GDF9: variants seen among roughly 807,000 people sequenced by gnomAD.
The protein encoded by GDF9 is growth/differentiation factor 9.
In GDF9, 30 loss-of-function variants were observed where a neutral mutation model predicts 33.8. The ratio of observed to expected loss-of-function variants is 0.89; its 90% CI spans 0.66 to 1.20. GDF9 has a LOEUF of 1.20. GDF9 is among the 50% of genes most tolerant of loss of function. The probability of loss-of-function intolerance (pLI) is 0.00; values close to 1 mark genes in which losing one functional copy is unlikely to be tolerated. For synonymous variants in GDF9, 205 were observed against 200.7 expected (o/e 1.02, Z -0.18); for missense variants, 556 against 543.7 (o/e 1.02, Z -0.22).
In GDF9 at chr5:132,864,276, C is replaced by T. The variant is rs779177466; in HGVS notation, c.258G>A (p.Leu86=). 8.1e-6 allele frequency: 13 copies of T among 1,614,232 alleles called. No homozygotes were observed. Among genetic ancestry groups the T allele is most frequent in the Non-Finnish European group, 1.1e-5 (13 of 1,180,042 alleles). The change falls in exon 1 of 2, where the codon TTG becomes TTA. Residue 86 remains leucine, a synonymous_variant. Coordinates refer to ENST00000687138, the MANE Select transcript of GDF9 (RefSeq NM_005260.7). ...SPRLQPDSRA[L]HYMKKLYKTY... Reference sequence around the variant, plus strand: ...TCTTATAGAGCTTCTTCATGTAGTGCAAAGCTCTGGAGTCTGGCTGCAGCC... The same window carrying T: ...TCTTATAGAGCTTCTTCATGTAGTGTAAAGCTCTGGAGTCTGGCTGCAGCC...
In GDF9 at chr5:132,864,261, C is replaced by A; in HGVS notation, c.273G>T (p.Lys91Asn). 6.2e-7 allele frequency: 1 copy of A among 1,614,196 alleles called. No individual in the cohort carries two copies. Among genetic ancestry groups the A allele is most frequent in the Non-Finnish European group, 8.5e-7 (1 of 1,180,036 alleles). Reference sequence around the variant, plus strand: ...CCTTGGTAGCATATGTCTTATAGAGCTTCTTCATGTAGTGCAAAGCTCTGG... The same window carrying A: ...CCTTGGTAGCATATGTCTTATAGAGATTCTTCATGTAGTGCAAAGCTCTGG... Reference protein sequence around the residue: ...PDSRALHYMKKLYKTYATKEG... With the variant: ...PDSRALHYMKNLYKTYATKEG... The change falls in exon 1 of 2, where the codon AAG becomes AAT. Residue 91 changes from lysine (K) to asparagine (N), a missense_variant. Physicochemically the swap from Lys to Asn is moderately conservative, Grantham distance 94 (BLOSUM62 0). Coordinates refer to ENST00000687138, the MANE Select transcript of GDF9 (RefSeq NM_005260.7).
chr5:132,861,378 T>C lies in GDF9; in HGVS notation c.*211A>G. ...CCACAATAATTATATTTCATTTAAA[T>C]TTGGAAATAAAAAAAGGCTCTGTAG... On this transcript the variant is annotated 3_prime_UTR_variant, in exon 2 of 2. Transcript: ENST00000687138. The C allele has an allele frequency of 1.8e-6, 1 of 546,410 alleles. No homozygotes were observed. The highest frequency in any genetic ancestry group is 2.4e-5 in the South Asian group (1 of 42,040). The allele number at this position is 546,410 out of a possible 1,614,324, so 33.8% of individuals were successfully genotyped here.
Position 132,864,693 on chromosome 5 carries a change from T to C in GDF9, c.-160A>G. 1.5e-6 allele frequency: 1 copy of C among 669,596 alleles called. No individual in the cohort carries two copies. The highest frequency in any genetic ancestry group is 2.6e-6 in the Non-Finnish European group (1 of 386,516). The allele number at this position is 669,596 out of a possible 1,614,324, so 41.5% of individuals were successfully genotyped here. On this transcript the variant is annotated 5_prime_UTR_variant, in exon 1 of 2. Transcript: ENST00000687138. ...CAAGTATGCCTAGCTGAAGATTTTA[T>C]CAGCTCTATATCAAGCAGCTGATAA...
At position 132,865,508 on chromosome 5, in the gene GDF9, G is replaced by A. The variant is rs1432825237; in HGVS notation, c.-975C>T. ...TGGTTTAAAAAAATGAGGCAAAGGAGCACCATGAAAAGCTGAAATGAGGGG... is the reference window on the plus strand; with the variant it reads ...TGGTTTAAAAAAATGAGGCAAAGGAACACCATGAAAAGCTGAAATGAGGGG... On this transcript the variant is annotated 5_prime_UTR_variant, in exon 1 of 2. Transcript: ENST00000687138. 1 of 152,214 alleles carries A rather than the reference G, an allele frequency of 6.6e-6. No individual in the cohort carries two copies. Among genetic ancestry groups the A allele is most frequent in the African/African-American group, 2.4e-5 (1 of 41,432 alleles). 9.4% of individuals were successfully genotyped at this position (152,214 alleles called of 1,614,324 possible). A position where few individuals can be genotyped will look rare whatever the true frequency, so the allele number is the denominator to read the frequency against.
In GDF9 at chr5:132,861,696, C is replaced by T. The variant is rs756490110; in HGVS notation, c.1258G>A (p.Val420Ile). The T allele has an allele frequency of 1.9e-6, 3 of 1,612,326 alleles. No individual in the cohort carries two copies. Among genetic ancestry groups the T allele is most frequent in the Admixed American group, 1.7e-5 (1 of 60,008 alleles). ...CTCAAGGGGCTGTATTTGGCAGGTA[C>T]ACATGACGGTCTTGGCACTGAGGAG... is the stretch of plus-strand genomic sequence containing the variant. ...LDSSVPRPSC[V>I]PAKYSPLSVL... Residue 420 changes from valine to isoleucine, a missense_variant, in exon 2 of 2, where the codon GTA (valine) becomes ATA (isoleucine). Transcript: ENST00000687138.
rs1013766098 is a variant in GDF9, at chr5:132,866,276, T to G, written c.-1743A>C. The G allele has an allele frequency of 6.4e-6, 1 of 157,468 alleles. No individual in the cohort carries two copies. The highest frequency in any genetic ancestry group is 1.4e-5 in the Non-Finnish European group (1 of 71,150). The allele number at this position is 157,468 out of a possible 1,614,324, so 9.8% of individuals were successfully genotyped here. On this transcript the variant is annotated 5_prime_UTR_variant, in exon 1 of 2. Coordinates refer to ENST00000687138, the MANE Select transcript of GDF9 (RefSeq NM_005260.7). The stretch of plus-strand genomic sequence containing the variant: ...GGAAGACTCGCAGGCCCCAAGCTCC[T>G]GGCCAGCGCTGCCCCGGAGGTCGGC...
Position 132,864,814 on chromosome 5 carries a change from G to C in GDF9, c.-281C>G. The C allele has an allele frequency of 6.5e-6, 3 of 461,062 alleles. No homozygotes were observed. Among genetic ancestry groups the C allele is most frequent in the Non-Finnish European group, 1.2e-5 (3 of 257,836 alleles). The allele number at this position is 461,062 out of a possible 1,614,324, so 28.6% of individuals were successfully genotyped here. A position where few individuals can be genotyped will look rare whatever the true frequency, so the allele number is the denominator to read the frequency against. ...TGGCATTTACGTAAAACCCGTTACT[G>C]TTACACTACCGGACTAACTATGTAG... On this transcript the variant is annotated 5_prime_UTR_variant, in exon 1 of 2. Coordinates refer to ENST00000687138, the MANE Select transcript of GDF9 (RefSeq NM_005260.7).
chr5:132,862,188 T>C lies in GDF9; in HGVS notation c.766A>G (p.Met256Val), dbSNP rs369615724. 34 of 1,613,892 alleles carry C rather than the reference T, an allele frequency of 2.1e-5. No individual in the cohort carries two copies. Among genetic ancestry groups the C allele is most frequent in the African/African-American group, 4.0e-5 (3 of 74,928 alleles). ...ATCAGTGAGGGGGACACCAGAGTCA[T>C]GTTAAACAAACCATTCTGTGCTGAA... ...HPSAQNGLFN[M>V]TLVSPSLILY... is the part of the protein sequence containing the mutation. Residue 256 changes from methionine to valine, a missense_variant, in exon 2 of 2, where the codon ATG becomes GTG. Physicochemically the swap from Met to Val is conservative, Grantham distance 21. Coordinates refer to ENST00000687138, the MANE Select transcript of GDF9 (RefSeq NM_005260.7).
chr5:132,865,877 C>T lies in GDF9; in HGVS notation c.-1344G>A, dbSNP rs1053160825. ...GCCTCTCACCCGACTTTCCTTGCTT[C>T]TCACGTGGGGAGAAGAAAGAACTGG... is the stretch of plus-strand genomic sequence containing the variant. On this transcript the variant is annotated 5_prime_UTR_variant, in exon 1 of 2. Transcript: ENST00000687138. 6.6e-5 allele frequency among the ~76,000 whole-genome samples: 10 copies of T among 152,216 alleles called. No individual in the cohort carries two copies. The highest frequency in any genetic ancestry group is 1.9e-4 in the African/African-American group (8 of 41,454).
rs540817200 is a variant in GDF9 at position 132,865,909 on chromosome 5, G to A, written c.-1376C>T. On this transcript the variant is annotated 5_prime_UTR_variant, in exon 1 of 2. In the 5' UTR this introduces an upstream ATG that the reference lacks. Transcript: ENST00000687138. ...GGGGAGAAGAAAGAACTGGGGCATC[G>A]TGATTCCCCCCACCCCACGCAAACC... 6.6e-6 allele frequency among the ~76,000 whole-genome samples: 1 copy of A among 152,166 alleles called. No individual in the cohort carries two copies. The highest frequency in any genetic ancestry group is 1.5e-5 in the Non-Finnish European group (1 of 68,036).
At chr5:132,863,803 A>G (rs1326427168) in intron 1 of GDF9, among the ~76,000 whole-genome samples, 3 of 152,326 alleles carry the variant, frequency 2.0e-5, no homozygotes, top group Non-Finnish European at 2.9e-5. Flanking sequence ...TCACACCAAT[A>G]GCTGTAAGAG....
chr5:132,861,190 T>C lies in GDF9; in HGVS notation c.*399A>G, dbSNP rs1759199857. The C allele has an allele frequency of 5.5e-6, 1 of 180,268 alleles. No individual in the cohort carries two copies. Among genetic ancestry groups the C allele is most frequent in the Non-Finnish European group, 1.2e-5 (1 of 85,198 alleles). The allele number at this position is 180,268 out of a possible 1,614,324, so 11.2% of individuals were successfully genotyped here. A position where few individuals can be genotyped will look rare whatever the true frequency, so the allele number is the denominator to read the frequency against. On this transcript the variant is annotated 3_prime_UTR_variant, in exon 2 of 2. Transcript: ENST00000687138. Reference sequence around the variant, plus strand: ...TAAAACACACACAAAATTTATGCCATTGACAGAAATTTATTCTTCTATTAA... The same window carrying C: ...TAAAACACACACAAAATTTATGCCACTGACAGAAATTTATTCTTCTATTAA...
chr5:132,865,794 G>A lies in GDF9; in HGVS notation c.-1261C>T, dbSNP rs1759565330. Among the ~76,000 whole-genome samples the A allele has an allele frequency of 6.6e-6, 1 of 152,108 alleles. No homozygotes were observed. Among genetic ancestry groups the A allele is most frequent in the African/African-American group, 2.4e-5 (1 of 41,392 alleles). ...ACACTGACAAGACACCTCAGGGCGA[G>A]CTGTACATTGACAACAGCATCGTCA... On this transcript the variant is annotated 5_prime_UTR_variant, in exon 1 of 2. Coordinates refer to ENST00000687138, the MANE Select transcript of GDF9 (RefSeq NM_005260.7).
chr5:132,863,169 C>T (rs1759380172), intron 1 of GDF9, among the ~76,000 whole-genome samples: 1 of 152,166 alleles, frequency 6.6e-6, no homozygotes, highest in Non-Finnish European at 1.5e-5. Context: ...ACAGAAGCAG[C>T]TGAGCTGATA....
At position 132,864,950 on chromosome 5, in the gene GDF9, G is replaced by A. The variant is rs1484153791; in HGVS notation, c.-417C>T. ...CTTGCTGAAACTTCTAAGGCATGTG[G>A]AAAAGCTAACCAATTATTCATGACG... is the stretch of plus-strand genomic sequence containing the variant. On this transcript the variant is annotated 5_prime_UTR_variant, in exon 1 of 2. Coordinates refer to ENST00000687138, the MANE Select transcript of GDF9 (RefSeq NM_005260.7). 2 of 196,092 alleles carry A rather than the reference G, an allele frequency of 1.0e-5. No homozygotes were observed. Among genetic ancestry groups the A allele is most frequent in the East Asian group, 1.3e-4 (1 of 7,722 alleles). The allele number at this position is 196,092 out of a possible 1,614,324, so 12.1% of individuals were successfully genotyped here.
upstream of GDF9, chr5:132,866,583 A>G (rs1759620971): frequency 2.1e-6 from 1 of 486,274 alleles, no homozygotes; most frequent in Admixed American, 3.4e-5. Context: ...GGAAAATGGT[A>G]TCTCCCGGAA....
At position 132,861,583 on chromosome 5, in the gene GDF9, C is replaced by A. The variant is rs1475592077; in HGVS notation, c.*6G>T. 4 of 1,613,164 alleles carry A rather than the reference C, an allele frequency of 2.5e-6. No homozygotes were observed. Among genetic ancestry groups the A allele is most frequent in the South Asian group, 2.2e-5 (2 of 90,990 alleles). On this transcript the variant is annotated 3_prime_UTR_variant, in exon 2 of 2. Coordinates refer to ENST00000687138, the MANE Select transcript of GDF9 (RefSeq NM_005260.7). ...AATAGGCTCAAGGTTTTAAGAGGAC[C>A]ATTTGTTAACGACAGGTGCACTTTG...
chr5:132,866,557 T>C, upstream of GDF9: 2 of 394,776 alleles, frequency 5.1e-6, no homozygotes, highest in South Asian at 2.6e-5. Flanking sequence ...AAAGGCGTCA[T>C]CCCTTAGAGA....
upstream of GDF9, chr5:132,866,546 C>A (rs1759617413): frequency 5.5e-6 from 2 of 363,322 alleles, no homozygotes; most frequent in Non-Finnish European, 1.0e-5. Context: ...CTTTCTGGGA[C>A]AAAGGCGTCA....
Sources: gnomAD v4.1 joint callset for allele counts (sites outside exome capture counted in the v4.1 genomes callset) on GRCh38, gnomAD v4.1.1 for gene constraint, MANE v1.5 for transcripts, NCBI Gene and HGNC (gene_info 2026-07-23, HGNC 2026-07-21) for gene names.